ACOX3: variants seen among roughly 807,000 people sequenced by gnomAD.
The protein encoded by ACOX3 is peroxisomal acyl-coenzyme A oxidase 3.
Under a neutral mutation model 81.5 loss-of-function variants are expected in ACOX3, and 73 were observed. The observed-to-expected ratio is 0.90, with a 90% CI of 0.74 to 1.09. The LOEUF is 1.09. Among genes scored for constraint, ACOX3 ranks in the 50% least tolerant of loss-of-function variants. The probability of loss-of-function intolerance (pLI) is 0.00; values close to 1 mark genes in which losing one functional copy is unlikely to be tolerated. For synonymous variants in ACOX3, 387 were observed against 375.1 expected, an observed-to-expected ratio of 1.03 and a Z score of -0.37; for missense variants, 947 against 928.0, an observed-to-expected ratio of 1.02 and a Z score of -0.27.
intron 1 of ACOX3, among the ~76,000 whole-genome samples, chr4:8,433,872 G>A (rs550011784): frequency 4.6e-5 from 7 of 152,242 alleles, no homozygotes; most frequent in African/African-American, 1.4e-4. Context: ...AACCTTCTCT[G>A]TTCCTCCTGG....
rs1351685779 is a variant in ACOX3 at position 8,406,765 on chromosome 4, A to G, written c.688-722T>C. On this transcript the variant is annotated intron_variant, in intron 6 of 17. Transcript: ENST00000356406. This position sits in a 1 kb window ranked among gnomAD's most constrained non-coding sequence, Gnocchi z 5.6. ...TTTCTGCTTATTAGAGACTTTTAGTACTTTCACTAATTTGCTACTGCTATC... is the reference window on the plus strand; with the variant it reads ...TTTCTGCTTATTAGAGACTTTTAGTGCTTTCACTAATTTGCTACTGCTATC... 2.0e-5 allele frequency among the ~76,000 whole-genome samples: 3 copies of G among 152,208 alleles called. No homozygotes were observed. Among genetic ancestry groups the G allele is most frequent in the Non-Finnish European group, 4.4e-5 (3 of 68,040 alleles).
intron 1 of ACOX3, among the ~76,000 whole-genome samples, chr4:8,436,738 C>CT (rs1227441047): frequency 6.6e-6 from 1 of 151,854 alleles, no homozygotes; most frequent in Non-Finnish European, 1.5e-5. Context: ...AATCCCAGCC[C>CT]TTTGGAAGGC....
intron 1 of ACOX3, among the ~76,000 whole-genome samples, chr4:8,435,853 AC>A (rs1724207661): frequency 6.6e-6 from 1 of 151,754 alleles, no homozygotes. Flanking sequence ...GGCCCAGCCT[AC>A]CCCCCTTTAC....
At position 8,385,038 on chromosome 4, in the gene ACOX3, G is replaced by A. The variant is rs895452054; in HGVS notation, c.1538-3431C>T. Among the ~76,000 whole-genome samples the A allele has an allele frequency of 2.6e-5, 4 of 152,132 alleles. No individual in the cohort carries two copies. The highest frequency in any genetic ancestry group is 2.1e-4 in the South Asian group (1 of 4,830). ...CCCCCACACGCAGCAGCCCCCCACC[G>A]AGGGCACCATGGCCTGGCCCCTGCC... is the stretch of plus-strand genomic sequence containing the variant. On this transcript the variant is annotated intron_variant, in intron 13 of 17. Coordinates refer to ENST00000356406, the MANE Select transcript of ACOX3 (RefSeq NM_003501.3). The surrounding 1 kb of genome is among the most constrained non-coding windows in gnomAD (Gnocchi z 5.5).
intron 14 of ACOX3, among the ~76,000 whole-genome samples, chr4:8,379,032 T>C (rs1418060819): frequency 1.3e-5 from 2 of 152,200 alleles, no homozygotes; most frequent in Non-Finnish European, 1.5e-5. Flanking sequence ...CTGGCATCTA[T>C]CTGAAGGAAT....
At chr4:8,424,881 G>T (rs1578993897) in intron 1 of ACOX3, among the ~76,000 whole-genome samples, 1 of 152,216 alleles carries the variant, frequency 6.6e-6, no homozygotes, top group South Asian at 2.1e-4. Context: ...GAAAAGCAGG[G>T]TATGCAGTGG....
rs889423107 is a variant in ACOX3, at chr4:8,384,770, C to A, written c.1538-3163G>T. The stretch of plus-strand genomic sequence containing the variant: ...AGAGCACTCCTAACTCGGATTCTGA[C>A]CCAGGCAAGCCCTGGAAAGCAAGGC... On this transcript the variant is annotated intron_variant, in intron 13 of 17. Transcript: ENST00000356406. The surrounding 1 kb of genome is among the most constrained non-coding windows in gnomAD (Gnocchi z 5.3). 2.6e-5 allele frequency among the ~76,000 whole-genome samples: 4 copies of A among 152,184 alleles called. No individual in the cohort carries two copies. Among genetic ancestry groups the A allele is most frequent in the Admixed American group, 1.3e-4 (2 of 15,292 alleles).
At position 8,394,251 on chromosome 4, in the gene ACOX3, C is replaced by G. The variant is rs1209287740; in HGVS notation, c.1179+369G>C. On this transcript the variant is annotated intron_variant, in intron 10 of 17. Coordinates refer to ENST00000356406, the MANE Select transcript of ACOX3 (RefSeq NM_003501.3). The surrounding 1 kb of genome is among the most constrained non-coding windows in gnomAD (Gnocchi z 5.9). ...AAATCCTCTGACTGTCAACTCAAATCCAGTCAGTGGGATTCAGACCTTTGT... is the reference window on the plus strand; with the variant it reads ...AAATCCTCTGACTGTCAACTCAAATGCAGTCAGTGGGATTCAGACCTTTGT... Among the ~76,000 whole-genome samples the G allele has an allele frequency of 6.6e-6, 1 of 152,200 alleles. No homozygotes were observed. The highest frequency in any genetic ancestry group is 1.5e-5 in the Non-Finnish European group (1 of 68,038).
intron 1 of ACOX3, among the ~76,000 whole-genome samples, chr4:8,417,913 T>C (rs771521484): frequency 1.3e-5 from 2 of 152,198 alleles, no homozygotes; most frequent in Non-Finnish European, 2.9e-5. Flanking sequence ...GGGAATATTG[T>C]GAACCATGGT....
intron 1 of ACOX3, among the ~76,000 whole-genome samples, chr4:8,424,606 G>A (rs1290675840): frequency 6.6e-6 from 1 of 152,224 alleles, no homozygotes; most frequent in Non-Finnish European, 1.5e-5. Flanking sequence ...CATACTCACT[G>A]CTAAAGGAGA....
chr4:8,373,623 A>G lies in ACOX3; in HGVS notation c.1834T>C (p.Tyr612His), dbSNP rs1560166794. Residue 612 changes from tyrosine (Y) to histidine (H), a missense_variant, in exon 16 of 18, where the codon TAC becomes CAC. Coordinates refer to ENST00000356406, the MANE Select transcript of ACOX3 (RefSeq NM_003501.3). ...RHAALLYRGGYFSGEQAGEVL... is the reference protein window; with the variant it reads ...RHAALLYRGGHFSGEQAGEVL... The stretch of plus-strand genomic sequence containing the variant: ...TCTCCCGCCTGCTCACCGGAGAAGT[A>G]TCCTCCTGCAAGCACAGCCTCGGTC... The G allele has an allele frequency of 1.2e-6, 2 of 1,612,034 alleles. No individual in the cohort carries two copies. Among genetic ancestry groups the G allele is most frequent in the Admixed American group, 1.7e-5 (1 of 59,864 alleles).
intron 5 of ACOX3, 82 bp from the exon 6 acceptor site, chr4:8,410,437 C>G: frequency 6.6e-7 from 1 of 1,523,898 alleles, no homozygotes; most frequent in Non-Finnish European, 9.0e-7. Context: ...AGACAGATTC[C>G]ATTTTCTACG....
intron 11 of ACOX3, among the ~76,000 whole-genome samples, chr4:8,391,384 C>T (rs1167922750): frequency 6.6e-6 from 1 of 152,182 alleles, no homozygotes; most frequent in African/African-American, 2.4e-5. Flanking sequence ...CTAGATAGAG[C>T]ATCACAAAAA....
At chr4:8,376,907 G>A (rs745425207) in intron 14 of ACOX3, among the ~76,000 whole-genome samples, 1 of 152,036 alleles carries the variant, frequency 6.6e-6, no homozygotes, top group Non-Finnish European at 1.5e-5. Context: ...GAGTGAGGTG[G>A]GGCAGCCCTC....
rs989305615 is a variant in ACOX3 at position 8,406,318 on chromosome 4, G to C, written c.688-275C>G. On this transcript the variant is annotated intron_variant, in intron 6 of 17. Coordinates refer to ENST00000356406, the MANE Select transcript of ACOX3 (RefSeq NM_003501.3). The surrounding 1 kb of genome is among the most constrained non-coding windows in gnomAD (Gnocchi z 5.6). ...AGGTGGGCCCTAAATCCCACGGCAA[G>C]TGTCCTATGAGAATCAGAAGAGGAG... 1.3e-5 allele frequency among the ~76,000 whole-genome samples: 2 copies of C among 152,236 alleles called. No individual in the cohort carries two copies. Among genetic ancestry groups the C allele is most frequent in the African/African-American group, 4.8e-5 (2 of 41,452 alleles).
At position 8,381,606 on chromosome 4, in the gene ACOX3, G is replaced by A. The variant is rs373553449; in HGVS notation, c.1539C>T (p.Val513=). 5 of 1,609,214 alleles carry A rather than the reference G, an allele frequency of 3.1e-6. No homozygotes were observed. The highest frequency in any genetic ancestry group is 2.2e-5 in the South Asian group (2 of 90,704). Residue 513 remains valine (V), a splice_region_variant and synonymous_variant, in exon 14 of 18, where the codon GTC becomes GTT. Coordinates refer to ENST00000356406, the MANE Select transcript of ACOX3 (RefSeq NM_003501.3). This position sits in a 1 kb window ranked among gnomAD's most constrained non-coding sequence, Gnocchi z 4.3. ...SSVADCLDSA[V]ALAAYKWLVC... is the part of the protein sequence containing the mutation. Reference sequence around the variant, plus strand: ...CCAGCCACTTGTATGCTGCCAGGGCGACTTCGGAATGACAAACAGAAGGAG... The same window carrying A: ...CCAGCCACTTGTATGCTGCCAGGGCAACTTCGGAATGACAAACAGAAGGAG...
chr4:8,381,577 C>A lies in ACOX3; in HGVS notation c.1568G>T (p.Cys523Phe), dbSNP rs763653116. The A allele has an allele frequency of 6.2e-7, 1 of 1,613,892 alleles. No homozygotes were observed. The highest frequency in any genetic ancestry group is 8.5e-7 in the Non-Finnish European group (1 of 1,179,952). The stretch of plus-strand genomic sequence containing the variant: ...TTGATAAGTCTCTCGGAGCAGGTAG[C>A]AAACCAGCCACTTGTATGCTGCCAG... ...VALAAYKWLV[C>F]YLLRETYQKL... The change falls in exon 14 of 18, where the codon TGC becomes TTC. Residue 523 changes from cysteine (C) to phenylalanine (F), a missense_variant. Transcript: ENST00000356406. This position sits in a 1 kb window ranked among gnomAD's most constrained non-coding sequence, Gnocchi z 4.3.
chr4:8,356,641 G>A, the ACOX3 span: 1 of 455,816 alleles, frequency 2.2e-6, no homozygotes, highest in East Asian at 6.9e-5. Flanking sequence ...GAGGAAGAAA[G>A]TGTGCAGAAT....
chr4:8,363,897 G>A (rs554194108), downstream of ACOX3, among the ~76,000 whole-genome samples: 16 of 152,212 alleles, frequency 1.1e-4, no homozygotes, highest in South Asian at 2.1e-3. Flanking sequence ...TCTAAAACAG[G>A]GAGGCACGAA....
Sources: allele counts gnomAD v4.1 joint callset (sites outside exome capture counted in the v4.1 genomes callset), GRCh38; gene constraint gnomAD v4.1.1; non-coding constraint Gnocchi (gnomAD v3.1); transcripts MANE v1.5; gene names NCBI Gene and HGNC (gene_info 2026-07-23, HGNC 2026-07-21).